PUM1: variants seen among roughly 807,000 people sequenced by gnomAD.
PUM1 encodes the protein pumilio homolog 1.
A neutral mutation model predicts 131.8 loss-of-function variants in PUM1; 13 were observed. That is an observed-to-expected ratio of 0.10 (90% CI 0.06 to 0.16). The LOEUF (loss-of-function observed/expected upper bound fraction) is 0.16, where lower values mean the gene tolerates loss of function less well. PUM1 is among the 10% of genes least tolerant of loss of function. PUM1 has a pLI of 1.00. For synonymous variants in PUM1, 509 were observed against 556.5 expected, an observed-to-expected ratio of 0.91 and a Z score of 1.20; for missense variants, 961 against 1,512.4, an observed-to-expected ratio of 0.64 and a Z score of 6.05.
At chr1:30,969,372 T>C (rs1444324617) in intron 10 of PUM1, among the ~76,000 whole-genome samples, 2 of 140,382 alleles carry the variant, frequency 1.4e-5, no homozygotes, top group Non-Finnish European at 3.1e-5. Context: ...TTGGGAGGGG[T>C]TCCAGACAAG....
chr1:30,938,141 G>A (rs1252239465), intron 20 of PUM1, among the ~76,000 whole-genome samples: 1 of 152,312 alleles, frequency 6.6e-6, no homozygotes, highest in Middle Eastern at 3.4e-3. Context: ...TTGGCCTCAA[G>A]CAATCCTTCT....
At chr1:31,005,773 T>C in intron 5 of PUM1, 80 bp downstream of exon 5, 1 of 1,373,660 alleles carries the variant, frequency 7.3e-7, no homozygotes, top group South Asian at 1.5e-5. Flanking sequence ...ACAGGCATGT[T>C]TTGCTTTAGG....
chr1:31,005,938 G>A lies in PUM1; in HGVS notation c.635C>T (p.Ser212Leu), dbSNP rs750986879. ...SEVNSVLSPR[S>L]ESGGLGVSMV... ...GCTAACGCCTAGTCCCCCACTCTCC[G>A]ATCGTGGGGACAGTACAGAATTGAC... The change falls in exon 5 of 22, where the codon TCG becomes TTG. Residue 212 changes from serine (S) to leucine (L), a missense_variant. Physicochemically the swap from Ser to Leu is moderately radical, Grantham distance 145 (BLOSUM62 -2). Around this residue, in one of 4 missense-constraint regions of PUM1, gnomAD observed 654 missense variants for 923.9 expected, o/e 0.71. Transcript: ENST00000426105. 1.2e-6 allele frequency: 2 copies of A among 1,613,884 alleles called. No individual in the cohort carries two copies. Among genetic ancestry groups the A allele is most frequent in the Non-Finnish European group, 1.7e-6 (2 of 1,179,910 alleles).
chr1:31,023,077 G>A (rs182723593), intron 3 of PUM1, among the ~76,000 whole-genome samples: 5 of 151,992 alleles, frequency 3.3e-5, no homozygotes, highest in Admixed American at 2.6e-4. Flanking sequence ...GGGAGGCTGA[G>A]GCAGGAGAAT....
chr1:30,964,818 T>C lies in PUM1; in HGVS notation c.2179A>G (p.Ile727Val), dbSNP rs1250157624. The C allele has an allele frequency of 3.1e-6, 5 of 1,613,926 alleles. No individual in the cohort carries two copies. In the African/African-American group the frequency reaches 4.0e-5, roughly 13 times the overall value. ...YKRTSSSLTPIGHSFYNGLSF... is the reference protein window; with the variant it reads ...YKRTSSSLTPVGHSFYNGLSF... ...AGGCCGTTATAAAAACTGTGTCCAATGGGGGTCAAGCTGCTCGATGTCCTC... is the reference window on the plus strand; with the variant it reads ...AGGCCGTTATAAAAACTGTGTCCAACGGGGGTCAAGCTGCTCGATGTCCTC... The change falls in exon 14 of 22, where the codon ATT (isoleucine) becomes GTT (valine). Residue 727 changes from isoleucine (I) to valine (V), a missense_variant. Physicochemically the swap from Ile to Val is conservative, Grantham distance 29 (BLOSUM62 3). Transcript: ENST00000426105.
At chr1:30,957,136 TAAGA>T (rs1206252728) in intron 14 of PUM1, among the ~76,000 whole-genome samples, 2 of 117,298 alleles carry the variant, frequency 1.7e-5, no homozygotes, top group Non-Finnish European at 3.6e-5. Flanking sequence ...CTTTTATTAC[TAAGA>T]AATATAGACA....
intron 10 of PUM1, among the ~76,000 whole-genome samples, chr1:30,969,058 C>T (rs960844264): frequency 1.3e-5 from 2 of 151,876 alleles, no homozygotes; most frequent in African/African-American, 4.8e-5. Context: ...AATCCTAGCA[C>T]TTTGGGAGGC....
At chr1:31,024,788 G>A (rs931608688) in intron 3 of PUM1, among the ~76,000 whole-genome samples, 2 of 152,072 alleles carry the variant, frequency 1.3e-5, no homozygotes, top group Non-Finnish European at 2.9e-5. Context: ...CCTTTTCTAG[G>A]TCATGAACAG....
At chr1:30,948,852 A>G (rs1483680144) in intron 17 of PUM1, among the ~76,000 whole-genome samples, 1 of 152,230 alleles carries the variant, frequency 6.6e-6, no homozygotes, top group Non-Finnish European at 1.5e-5. Context: ...ACATTAAAAG[A>G]AAATTTAAAA....
intron 3 of PUM1, among the ~76,000 whole-genome samples, chr1:31,024,918 T>C (rs939527973): frequency 1.3e-5 from 2 of 152,204 alleles, no homozygotes; most frequent in African/African-American, 4.8e-5. Context: ...ACTACAAACA[T>C]CCTTTTCTAG....
chr1:31,049,891 G>A (rs1644068167), intron 2 of PUM1, among the ~76,000 whole-genome samples: 1 of 133,228 alleles, frequency 7.5e-6, no homozygotes, highest in Admixed American at 8.6e-5. Context: ...GTGCAGTGGT[G>A]CAATCTCAGC....
intron 2 of PUM1, among the ~76,000 whole-genome samples, chr1:31,034,779 A>T (rs1253181190): frequency 6.6e-6 from 1 of 152,118 alleles, no homozygotes; most frequent in Non-Finnish European, 1.5e-5. Flanking sequence ...CTTCATCTCC[A>T]CACCTACTTT....
Position 30,931,833 on chromosome 1 carries a change from G to C in PUM1, c.*1378C>G, listed in dbSNP as rs1486486229. The C allele has an allele frequency of 2.0e-5, 3 of 152,510 alleles. No homozygotes were observed. Among genetic ancestry groups the C allele is most frequent in the Non-Finnish European group, 4.4e-5 (3 of 68,032 alleles). 9.4% of individuals were successfully genotyped at this position (152,510 alleles called of 1,614,324 possible). ...GATTCACACTTTACAAGGTGAGAGGGGCTCTGATTGTAAGGAAAGCTCGGG... is the reference window on the plus strand; with the variant it reads ...GATTCACACTTTACAAGGTGAGAGGCGCTCTGATTGTAAGGAAAGCTCGGG... On this transcript the variant is annotated 3_prime_UTR_variant, in exon 22 of 22. Coordinates refer to ENST00000426105, the MANE Select transcript of PUM1 (RefSeq NM_001020658.2).
chr1:31,044,878 C>T (rs1216387609), intron 2 of PUM1, among the ~76,000 whole-genome samples: 2 of 152,246 alleles, frequency 1.3e-5, no homozygotes, highest in South Asian at 2.1e-4. Context: ...GGCACGATCT[C>T]GGCTTACTGC....
chr1:31,053,016 T>C (rs568668553), intron 2 of PUM1, among the ~76,000 whole-genome samples: 8 of 146,628 alleles, frequency 5.5e-5, no homozygotes, highest in Non-Finnish European at 1.0e-4. Flanking sequence ...ATATCCATCA[T>C]CTTTTTTTTT....
intron 2 of PUM1, among the ~76,000 whole-genome samples, chr1:31,032,941 A>G (rs774792543): frequency 2.4e-4 from 37 of 152,166 alleles, no homozygotes; most frequent in Non-Finnish European, 4.6e-4. Context: ...CTCCGTCTCT[A>G]CTAAAAATAC....
At position 31,056,609 on chromosome 1, in the gene PUM1, C is replaced by CTTTTTTTT. The variant is rs57685772; in HGVS notation, c.363+2587_363+2594dup. 3.0e-3 allele frequency among the ~76,000 whole-genome samples: 133 copies of CTTTTTTTT among 43,708 alleles called. 14 individuals are homozygous for CTTTTTTTT. The highest frequency in any genetic ancestry group is 3.7e-3 in the Non-Finnish European group (91 of 24,874). 28.7% of individuals were successfully genotyped at this position (43,708 alleles called of 152,430 possible). On this transcript the variant is annotated intron_variant, in intron 2 of 21. Coordinates refer to ENST00000426105, the MANE Select transcript of PUM1 (RefSeq NM_001020658.2). ...CAGCTGAAAACCTTCCTTTTCTTTT[C>CTTTTTTTT]TTTTTTTTTTTTTTTTTTTTTTTTT... is the stretch of plus-strand genomic sequence containing the variant.
At chr1:30,979,782 A>AG (rs914463448) in intron 9 of PUM1, among the ~76,000 whole-genome samples, 28 of 152,294 alleles carry the variant, frequency 1.8e-4, no homozygotes, top group African/African-American at 6.0e-4. Context: ...GATCTGGGCA[A>AG]GGGGGGAAAT....
chr1:31,020,268 G>C (rs967350605), intron 3 of PUM1, among the ~76,000 whole-genome samples: 2 of 152,120 alleles, frequency 1.3e-5, no homozygotes, highest in Non-Finnish European at 2.9e-5. Context: ...ATGGGTGTAG[G>C]TGTACCACAT....
Sources: gnomAD v4.1 joint callset for allele counts (sites outside exome capture counted in the v4.1 genomes callset) on GRCh38, gnomAD v4.1.1 for gene constraint, gnomAD v4.1.1 regional missense constraint, MANE v1.5 for transcripts, NCBI Gene and HGNC (gene_info 2026-07-23, HGNC 2026-07-21) for gene names.